Variants in CNTN4 observed in about 807,000 individuals in gnomAD.
CNTN4 encodes contactin 4, also known as contactin-4.
Under a neutral mutation model 122.5 loss-of-function variants are expected in CNTN4, and 77 were observed. The observed-to-expected ratio is 0.63, with a 90% CI of 0.52 to 0.76. The LOEUF is 0.76. Ranked by LOEUF, CNTN4 falls within the 30% of genes least tolerant of loss-of-function variation. CNTN4 has a pLI of 0.00. For missense variants in CNTN4, 1,256 were observed against 1,259.1 expected (o/e 1.00, Z 0.04); for synonymous variants, 512 against 447.0 (o/e 1.15, Z -1.83).
intron 2 of CNTN4, among the ~76,000 whole-genome samples, chr3:2,106,039 G>A (rs1008091628): frequency 3.9e-5 from 6 of 152,204 alleles, no homozygotes; most frequent in East Asian, 3.9e-4. Flanking sequence ...TTAAAGCTCC[G>A]AAATCATCTT....
chr3:2,593,702 T>C (rs1314785280), intron 4 of CNTN4, among the ~76,000 whole-genome samples: 1 of 151,246 alleles, frequency 6.6e-6, no homozygotes, highest in African/African-American at 2.4e-5. Context: ...AGAATGTATA[T>C]GTTGATGGAT....
chr3:2,335,209 G>T (rs1247919191), intron 2 of CNTN4, among the ~76,000 whole-genome samples: 1 of 152,040 alleles, frequency 6.6e-6, no homozygotes, highest in Non-Finnish European at 1.5e-5. Flanking sequence ...TTTCACATGT[G>T]ATTTTATTTA....
chr3:3,038,513 C>T (rs892023442), intron 18 of CNTN4, among the ~76,000 whole-genome samples: 11 of 152,154 alleles, frequency 7.2e-5, no homozygotes, highest in South Asian at 2.1e-4. Flanking sequence ...CTGGTGCAGG[C>T]GCTCCTCCAC....
chr3:2,453,166 T>C (rs1331743096), intron 3 of CNTN4, among the ~76,000 whole-genome samples: 5 of 151,944 alleles, frequency 3.3e-5, no homozygotes, highest in Non-Finnish European at 7.4e-5. Context: ...AATAATCTAG[T>C]GGTTGGTAAT....
At chr3:2,662,441 A>G (rs1430319264) in intron 4 of CNTN4, among the ~76,000 whole-genome samples, 1 of 152,158 alleles carries the variant, frequency 6.6e-6, no homozygotes, top group Non-Finnish European at 1.5e-5. Flanking sequence ...GCTAAACAGG[A>G]AAAGAGAAAA....
Position 2,122,112 on chromosome 3 carries a change from G to T in CNTN4, c.-145+21473G>T, listed in dbSNP as rs556480612. ...GGAGCTTGCAGTGAGCTGAGATTGCGCCACTGCACTCCAGCCTGGGCGACA... is the reference window on the plus strand; with the variant it reads ...GGAGCTTGCAGTGAGCTGAGATTGCTCCACTGCACTCCAGCCTGGGCGACA... On this transcript the variant is annotated intron_variant, in intron 2 of 24. Transcript: ENST00000418658. Among the ~76,000 whole-genome samples, 4 of 149,582 alleles carry T rather than the reference G, an allele frequency of 2.7e-5. No individual in the cohort carries two copies. In the East Asian group the frequency reaches 7.9e-4, roughly 29 times the overall value.
At chr3:2,337,065 G>A (rs2043981463) in intron 2 of CNTN4, among the ~76,000 whole-genome samples, 1 of 152,114 alleles carries the variant, frequency 6.6e-6, no homozygotes, top group African/African-American at 2.4e-5. Context: ...CTTTACAAAG[G>A]AGATATTGTT....
intron 3 of CNTN4, among the ~76,000 whole-genome samples, chr3:2,401,530 T>C (rs1206604684): frequency 6.6e-6 from 1 of 152,186 alleles, no homozygotes; most frequent in Admixed American, 6.6e-5. Context: ...AACTTAAAGC[T>C]TTATTTTTTT....
intron 10 of CNTN4, among the ~76,000 whole-genome samples, chr3:2,891,840 G>C (rs139034332): frequency 6.6e-6 from 1 of 152,160 alleles, no homozygotes; most frequent in Admixed American, 6.5e-5. Flanking sequence ...AGGGTGACTC[G>C]ATTTGATTAA....
At chr3:3,003,697 AAAAAAAAAAAAAAAAAAC>A (rs1696281880) in intron 14 of CNTN4, among the ~76,000 whole-genome samples, 2 of 130,572 alleles carry the variant, frequency 1.5e-5, no homozygotes, top group African/African-American at 3.5e-5. Context: ...AAAAAAAAAA[AAAAAAAAAAAAAAAAAAC>A]AAAAAAACCC....
rs376056814 is a variant in CNTN4 at position 2,205,989 on chromosome 3, C to T, written c.-145+105350C>T. ...ATTTAAAGTAGGAAGGTGGCAAATA[C>T]TCGGAAGGGTATTCCAGTTCTGTTT... On this transcript the variant is annotated intron_variant, in intron 2 of 24. Coordinates refer to ENST00000418658, the MANE Select transcript of CNTN4 (RefSeq NM_175607.3). 2.6e-5 allele frequency among the ~76,000 whole-genome samples: 4 copies of T among 152,206 alleles called. No homozygotes were observed. In the East Asian group the frequency reaches 5.8e-4, roughly 22 times the overall value.
intron 2 of CNTN4, among the ~76,000 whole-genome samples, chr3:2,222,394 A>C (rs911112198): frequency 1.3e-5 from 2 of 152,114 alleles, no homozygotes; most frequent in East Asian, 3.9e-4. Flanking sequence ...CTGGGAGGAG[A>C]GGAGAGTAGG....
intron 10 of CNTN4, among the ~76,000 whole-genome samples, chr3:2,897,903 C>A (rs1289984823): frequency 1.3e-5 from 2 of 152,068 alleles, no homozygotes; most frequent in South Asian, 4.2e-4. Context: ...TGATATTAGG[C>A]GATAAATACC....
chr3:2,178,281 T>G (rs969249560), intron 2 of CNTN4, among the ~76,000 whole-genome samples: 1 of 152,060 alleles, frequency 6.6e-6, no homozygotes, highest in Admixed American at 6.6e-5. Context: ...TTTTGTTTTC[T>G]GAAGTGCAGA....
intron 4 of CNTN4, among the ~76,000 whole-genome samples, chr3:2,634,841 G>A (rs534657479): frequency 6.6e-6 from 1 of 151,892 alleles, no homozygotes; most frequent in African/African-American, 2.4e-5. Context: ...GGGTGACAGA[G>A]TGAGACTCCA....
chr3:2,528,616 A>G (rs1234669400), intron 3 of CNTN4, among the ~76,000 whole-genome samples: 1 of 152,178 alleles, frequency 6.6e-6, no homozygotes, highest in East Asian at 1.9e-4. Flanking sequence ...TTTAGGAGGT[A>G]GATAGTATAG....
intron 4 of CNTN4, among the ~76,000 whole-genome samples, chr3:2,717,831 G>A (rs562212431): frequency 6.6e-6 from 1 of 151,644 alleles, no homozygotes; most frequent in Non-Finnish European, 1.5e-5. Context: ...TTTTTGTTTT[G>A]GTATTTGGTA....
At chr3:2,599,824 G>A (rs946789582) in intron 4 of CNTN4, among the ~76,000 whole-genome samples, 7 of 152,042 alleles carry the variant, frequency 4.6e-5, no homozygotes, top group Non-Finnish European at 1.0e-4. Context: ...ATTAGATGGA[G>A]AAAGAAGCAT....
At chr3:2,806,048 C>T (rs1422172304) in intron 6 of CNTN4, among the ~76,000 whole-genome samples, 2 of 152,068 alleles carry the variant, frequency 1.3e-5, no homozygotes, top group African/African-American at 4.8e-5. Flanking sequence ...ACTACAGGTG[C>T]CCACCAGCAG....
Sources: allele counts gnomAD v4.1 joint callset (sites outside exome capture counted in the v4.1 genomes callset), GRCh38; gene constraint gnomAD v4.1.1; transcripts MANE v1.5; gene names NCBI Gene and HGNC (gene_info 2026-07-23, HGNC 2026-07-21).